The following MTMR7 variants were observed in gnomAD, a reference collection of about 807,000 sequenced individuals.
MTMR7 encodes myotubularin related protein 7.
MTMR7 carries 76 observed loss-of-function variants against 81.2 expected under a neutral mutation model. The observed-to-expected ratio is 0.94, with a 90% CI of 0.78 to 1.13. MTMR7 has a LOEUF of 1.13. Ranked by LOEUF, MTMR7 falls within the 50% of genes most tolerant of loss-of-function variation. MTMR7 has a pLI of 0.00. For synonymous variants in MTMR7, 372 were observed against 289.8 expected, an observed-to-expected ratio of 1.28 and a Z score of -2.88; for missense variants, 1,044 against 820.0, an observed-to-expected ratio of 1.27 and a Z score of -3.34.
At chr8:17,385,886 T>C (rs1435130362) in intron 1 of MTMR7, among the ~76,000 whole-genome samples, 1 of 152,214 alleles carries the variant, frequency 6.6e-6, no homozygotes, top group African/African-American at 2.4e-5. Context: ...CTTCATAAAT[T>C]ACCCGGTCTC....
Position 17,371,269 on chromosome 8 carries a change from C to A in MTMR7, c.148-70G>T, listed in dbSNP as rs909003628. ...ATGAATACGACAAGGACTAACATTT[C>A]TTTGTGGCTCAAAGAAAGACAAGAA... On this transcript the variant is annotated intron_variant, in intron 2 of 13. Coordinates refer to ENST00000180173, the MANE Select transcript of MTMR7 (RefSeq NM_004686.5). The A allele has an allele frequency of 1.4e-4, 209 of 1,502,430 alleles. 1 individual carries two copies. The highest frequency in any genetic ancestry group is 3.6e-6 in the Non-Finnish European group (4 of 1,109,940). The allele number at this position is 1,502,430 out of a possible 1,614,324, so 93.1% of individuals were successfully genotyped here.
At chr8:17,350,792 G>A (rs1412880687) in intron 4 of MTMR7, among the ~76,000 whole-genome samples, 8 of 152,170 alleles carry the variant, frequency 5.3e-5, no homozygotes, top group Admixed American at 5.2e-4. Flanking sequence ...ACTACATAGA[G>A]CAGGGAATAA....
chr8:17,305,787 C>T lies in MTMR7; in HGVS notation c.1322G>A (p.Cys441Tyr). 1 of 1,613,368 alleles carries T rather than the reference C, an allele frequency of 6.2e-7. No individual in the cohort carries two copies. Among genetic ancestry groups the T allele is most frequent in the Non-Finnish European group, 8.5e-7 (1 of 1,179,484 alleles). ...IYSCQFGNFLCNSQKERRELK... is the reference protein window; with the variant it reads ...IYSCQFGNFLYNSQKERRELK... Reference sequence around the variant, plus strand: ...TTCTCGTCTCTCCTTTTGGCTGTTACATAGGAAGTTTCCAAACTGGCAGGA... The same window carrying T: ...TTCTCGTCTCTCCTTTTGGCTGTTATATAGGAAGTTTCCAAACTGGCAGGA... The change falls in exon 11 of 14, where the codon TGT (cysteine) becomes TAT (tyrosine). Residue 441 changes from cysteine (C) to tyrosine (Y), a missense_variant. Physicochemically the swap from Cys to Tyr is radical, Grantham distance 194 (BLOSUM62 -2). Transcript: ENST00000180173.
chr8:17,362,931 C>G (rs1175267935), intron 3 of MTMR7, among the ~76,000 whole-genome samples: 1 of 152,124 alleles, frequency 6.6e-6, no homozygotes, highest in African/African-American at 2.4e-5. Context: ...TTTTAAGCAC[C>G]AGATTTCTTC....
chr8:17,308,047 TA>T (rs1233964855), intron 10 of MTMR7, among the ~76,000 whole-genome samples: 1 of 118,698 alleles, frequency 8.4e-6, no homozygotes, highest in Non-Finnish European at 1.7e-5. Flanking sequence ...ATAATAAAAT[TA>T]AAAAATAAAA....
rs199874867 is a variant in MTMR7 at position 17,302,111 on chromosome 8, A to C, written c.1620+43T>G. The C allele has an allele frequency of 8.1e-6, 13 of 1,613,112 alleles. No individual in the cohort carries two copies. In the East Asian group the frequency reaches 2.2e-4, roughly 28 times the overall value. On this transcript the variant is annotated intron_variant, in intron 13 of 13. Coordinates refer to ENST00000180173, the MANE Select transcript of MTMR7 (RefSeq NM_004686.5). ...CTTTCATGAAGCCTTGCTCTTCAAG[A>C]AATAAGCACAGAAAATAGATTAACA...
chr8:17,395,149 T>G (rs145692844), intron 1 of MTMR7, among the ~76,000 whole-genome samples: 180 of 152,320 alleles, frequency 1.2e-3, no homozygotes, highest in Middle Eastern at 0.01. Flanking sequence ...ATACCTCATG[T>G]AAGTGGAATC....
intron 3 of MTMR7, among the ~76,000 whole-genome samples, chr8:17,369,309 AC>A (rs776164366): frequency 1.3e-5 from 2 of 152,182 alleles, no homozygotes; most frequent in Non-Finnish European, 2.9e-5. Context: ...AAAAGCCTCA[AC>A]CAACTGCCTT....
Position 17,297,268 on chromosome 8 carries a change from C to A in MTMR7, c.*2594G>T, listed in dbSNP as rs1251286932. ...TAATATCTTAAAATAGAAGAAAATT[C>A]TAAATCAATCAATCAGTGAGATATA... On this transcript the variant is annotated 3_prime_UTR_variant, in exon 14 of 14. Transcript: ENST00000180173. 2 of 151,838 alleles carry A rather than the reference C, an allele frequency of 1.3e-5. No homozygotes were observed. The highest frequency in any genetic ancestry group is 4.8e-5 in the African/African-American group (2 of 41,384). The allele number at this position is 151,838 out of a possible 1,614,324, so 9.4% of individuals were successfully genotyped here.
chr8:17,378,489 C>T (rs1048655719), intron 1 of MTMR7, among the ~76,000 whole-genome samples: 5 of 152,132 alleles, frequency 3.3e-5, no homozygotes, highest in African/African-American at 1.2e-4. Flanking sequence ...AATTCTGTCT[C>T]ATCTATACAT....
chr8:17,311,847 G>A lies in MTMR7; in HGVS notation c.976-211C>T, dbSNP rs895492730. The A allele has an allele frequency of 6.2e-6, 4 of 646,748 alleles. No individual in the cohort carries two copies. The African/African-American group carries it at 7.3e-5, about 12-fold the overall frequency. The allele number at this position is 646,748 out of a possible 1,614,324, so 40.1% of individuals were successfully genotyped here. A position where few individuals can be genotyped will look rare whatever the true frequency, so the allele number is the denominator to read the frequency against. On this transcript the variant is annotated intron_variant, in intron 8 of 13. Coordinates refer to ENST00000180173, the MANE Select transcript of MTMR7 (RefSeq NM_004686.5). ...AAGCTTTCCCTTCCCATTCTATCCAGAAGCCACCACTCAAGTCACCTCCAA... is the reference window on the plus strand; with the variant it reads ...AAGCTTTCCCTTCCCATTCTATCCAAAAGCCACCACTCAAGTCACCTCCAA...
intron 13 of MTMR7, among the ~76,000 whole-genome samples, chr8:17,301,385 G>A (rs750785658): frequency 6.6e-6 from 1 of 152,198 alleles, no homozygotes; most frequent in Non-Finnish European, 1.5e-5. Flanking sequence ...GGACATTCTG[G>A]TGATAGCTAG....
chr8:17,394,975 C>T (rs979083176), intron 1 of MTMR7, among the ~76,000 whole-genome samples: 6 of 152,080 alleles, frequency 3.9e-5, no homozygotes, highest in South Asian at 2.1e-4. Flanking sequence ...AATTCAGTGG[C>T]GTTAAGTACA....
At chr8:17,335,641 C>G (rs1174354556) in intron 6 of MTMR7, among the ~76,000 whole-genome samples, 1 of 152,218 alleles carries the variant, frequency 6.6e-6, no homozygotes, top group African/African-American at 2.4e-5. Flanking sequence ...GTCTTTCTCT[C>G]TCCCTCCTAT....
chr8:17,403,076 C>T (rs1279653557), intron 1 of MTMR7, among the ~76,000 whole-genome samples: 1 of 152,094 alleles, frequency 6.6e-6, no homozygotes, highest in Admixed American at 6.6e-5. Context: ...GAAATTTTGT[C>T]TATTTTTAAA....
intron 7 of MTMR7, among the ~76,000 whole-genome samples, chr8:17,315,142 C>T (rs946846383): frequency 1.3e-5 from 2 of 152,010 alleles, no homozygotes; most frequent in African/African-American, 2.4e-5. Context: ...TATGTCCTGA[C>T]AATGAAATAC....
intron 1 of MTMR7, among the ~76,000 whole-genome samples, chr8:17,412,983 A>G (rs997129482): frequency 2.6e-5 from 4 of 152,216 alleles, no homozygotes; most frequent in African/African-American, 9.6e-5. Flanking sequence ...CCCAGTTACT[A>G]GCAGACAACT....
At chr8:17,323,564 A>G (rs2150514144) in intron 7 of MTMR7, among the ~76,000 whole-genome samples, 1 of 152,174 alleles carries the variant, frequency 6.6e-6, no homozygotes, top group South Asian at 2.1e-4. Context: ...ACTAGAGAGG[A>G]GGCCAGGAAT....
At chr8:17,308,593 T>C (rs1817618092) in intron 10 of MTMR7, among the ~76,000 whole-genome samples, 1 of 152,176 alleles carries the variant, frequency 6.6e-6, no homozygotes, top group Non-Finnish European at 1.5e-5. Flanking sequence ...TTAAATTTTA[T>C]CACCAAAGAC....
Sources: allele counts gnomAD v4.1 joint callset (sites outside exome capture counted in the v4.1 genomes callset), GRCh38; gene constraint gnomAD v4.1.1; transcripts MANE v1.5; gene names NCBI Gene and HGNC (gene_info 2026-07-23, HGNC 2026-07-21).